The following CELF2 variants were observed in gnomAD, a reference collection of about 807,000 sequenced individuals.
CELF2 encodes the protein CUGBP Elav-like family member 2.
Under a neutral mutation model 62.6 loss-of-function variants are expected in CELF2, and 8 were observed. That is an observed-to-expected ratio of 0.13 (90% CI 0.07 to 0.23). The LOEUF is 0.23. Among genes scored for constraint, CELF2 ranks in the 10% least tolerant of loss-of-function variants. CELF2 has a pLI of 1.00. For synonymous variants in CELF2, 258 were observed against 250.0 expected (o/e 1.03, Z -0.30); for missense variants, 333 against 671.0 (o/e 0.50, Z 5.56).
At chr10:10,753,045 G>A in the CELF2 span, among the ~76,000 whole-genome samples, 1 of 152,126 alleles carries the variant, frequency 6.6e-6, no homozygotes, top group Non-Finnish European at 1.5e-5. Context: ...GTTGTGGGTT[G>A]CAACTACCCT....
At chr10:10,615,441 T>C in the CELF2 span, among the ~76,000 whole-genome samples, 7 of 152,252 alleles carry the variant, frequency 4.6e-5, no homozygotes, top group East Asian at 1.2e-3. Context: ...CTTCGCAGAT[T>C]ATTTAGTGCC....
Position 11,280,322 on chromosome 10 carries a change from C to T in CELF2, c.841+5202C>T, listed in dbSNP as rs1339360585. Among the ~76,000 whole-genome samples, 1 of 152,092 alleles carries T rather than the reference C, an allele frequency of 6.6e-6. No homozygotes were observed. Among genetic ancestry groups the T allele is most frequent in the South Asian group, 2.1e-4 (1 of 4,836 alleles). ...CAGGCCTGCGCCTGACACCTGTGCC[C>T]GAGAAGCCTAGTCCGGCTAAGAAGG... On this transcript the variant is annotated intron_variant, in intron 8 of 12. Coordinates refer to ENST00000633077, the MANE Select transcript of CELF2 (RefSeq NM_001326342.2). The surrounding 1 kb of genome is among the most constrained non-coding windows in gnomAD (Gnocchi z 7.6).
rs150310185 is a variant in CELF2 at position 11,083,708 on chromosome 10, G to A, written c.74+65545G>A. On this transcript the variant is annotated intron_variant, in intron 1 of 12. Transcript: ENST00000633077. ...TTGAGTGGTTGAGAGCAAGGACTTG[G>A]GAGTCTGACAGCTTGAATTGGACTC... 7.9e-5 allele frequency among the ~76,000 whole-genome samples: 12 copies of A among 152,288 alleles called. No homozygotes were observed. The East Asian group carries it at 2.3e-3, about 29-fold the overall frequency.
chr10:11,257,888 G>A lies in CELF2; in HGVS notation c.538+16G>A. 1 of 1,613,684 alleles carries A rather than the reference G, an allele frequency of 6.2e-7. No individual in the cohort carries two copies. The highest frequency in any genetic ancestry group is 2.2e-5 in the East Asian group (1 of 44,868). ...CTGAGTCGAGGTGAGTGTGCTGTCT[G>A]GAAAGCCTCTCCCCTTCAGTGCTAA... On this transcript the variant is annotated intron_variant, in intron 5 of 12. Coordinates refer to ENST00000633077, the MANE Select transcript of CELF2 (RefSeq NM_001326342.2).
the CELF2 span, among the ~76,000 whole-genome samples, chr10:10,784,918 C>T: frequency 6.6e-6 from 1 of 152,294 alleles, no homozygotes; most frequent in East Asian, 1.9e-4. Flanking sequence ...ATGGCCTCAC[C>T]TCTACAACCA....
chr10:10,647,451 G>C, the CELF2 span, among the ~76,000 whole-genome samples: 1 of 152,150 alleles, frequency 6.6e-6, no homozygotes, highest in African/African-American at 2.4e-5. Flanking sequence ...ACATCAATGC[G>C]GATAACATAT....
chr10:10,846,081 G>T, intron 1 of CELF2: 1 of 985,058 alleles, frequency 1.0e-6, no homozygotes, highest in Non-Finnish European at 1.2e-6. Context: ...GATTCGATCA[G>T]ATCCTTCTGC....
the CELF2 span, among the ~76,000 whole-genome samples, chr10:10,650,767 T>C: frequency 6.6e-6 from 1 of 152,248 alleles, no homozygotes; most frequent in Non-Finnish European, 1.5e-5. Context: ...GAAAAAGTTT[T>C]AGCGTTCCTC....
At chr10:10,488,788 TAA>T in the CELF2 span, among the ~76,000 whole-genome samples, 77 of 152,246 alleles carry the variant, frequency 5.1e-4, no homozygotes, top group Admixed American at 4.6e-4. Context: ...ACGTAGATGT[TAA>T]ACTGAAGTAC....
the CELF2 span, among the ~76,000 whole-genome samples, chr10:10,689,268 G>T: frequency 6.6e-6 from 1 of 152,020 alleles, no homozygotes; most frequent in African/African-American, 2.4e-5. Flanking sequence ...TTCTTCACAT[G>T]GTGGCAGGAG....
chr10:11,132,095 C>T (rs2059715977), intron 1 of CELF2, among the ~76,000 whole-genome samples: 2 of 152,194 alleles, frequency 1.3e-5, no homozygotes, highest in African/African-American at 2.4e-5. Context: ...TAAGTCTGTC[C>T]TCAAGTTATC....
chr10:11,323,356 T>C (rs1324564679), intron 11 of CELF2, among the ~76,000 whole-genome samples: 1 of 151,504 alleles, frequency 6.6e-6, no homozygotes, highest in African/African-American at 2.4e-5. Context: ...GCTCAAGAAA[T>C]TTAAACCATC....
chr10:10,676,394 G>A, the CELF2 span, among the ~76,000 whole-genome samples: 2 of 152,156 alleles, frequency 1.3e-5, no homozygotes, highest in Non-Finnish European at 2.9e-5. Context: ...TTAGACCGTG[G>A]TTAACTAGCT....
chr10:11,173,134 C>T (rs970959257), intron 2 of CELF2, among the ~76,000 whole-genome samples: 1 of 152,224 alleles, frequency 6.6e-6, no homozygotes, highest in East Asian at 1.9e-4. Flanking sequence ...AAAGAGATAG[C>T]TCCCCACTAG....
At chr10:10,962,633 G>T (rs974038477) in intron 2 of CELF2, among the ~76,000 whole-genome samples, 1 of 152,216 alleles carries the variant, frequency 6.6e-6, no homozygotes, top group African/African-American at 2.4e-5. Context: ...GCTGAGGCGG[G>T]AAGTTGGTGT....
At chr10:11,087,535 T>C (rs143442481) in intron 1 of CELF2, among the ~76,000 whole-genome samples, 1 of 152,226 alleles carries the variant, frequency 6.6e-6, no homozygotes, top group Non-Finnish European at 1.5e-5. Context: ...GGCACTGTTA[T>C]CGCACAGCAG....
the CELF2 span, among the ~76,000 whole-genome samples, chr10:10,538,087 C>T: frequency 6.6e-6 from 1 of 152,150 alleles, no homozygotes; most frequent in Admixed American, 6.5e-5. Context: ...CACTGTCACC[C>T]TCAGGCATAA....
intron 1 of CELF2, among the ~76,000 whole-genome samples, chr10:10,811,532 T>C (rs1356906826): frequency 6.6e-6 from 1 of 152,006 alleles, no homozygotes; most frequent in African/African-American, 2.4e-5. Context: ...AGAAACAGCT[T>C]TCAGGTTCTT....
At chr10:10,980,325 G>A (rs1380902070) in intron 2 of CELF2, among the ~76,000 whole-genome samples, 1 of 152,114 alleles carries the variant, frequency 6.6e-6, no homozygotes, top group East Asian at 1.9e-4. Flanking sequence ...TTTCAAAGAA[G>A]TTATGTCACT....
Sources: allele counts gnomAD v4.1 joint callset (sites outside exome capture counted in the v4.1 genomes callset), GRCh38; gene constraint gnomAD v4.1.1; non-coding constraint Gnocchi (gnomAD v3.1); transcripts MANE v1.5; gene names NCBI Gene and HGNC (gene_info 2026-07-23, HGNC 2026-07-21).